The following FBXL17 variants were observed in gnomAD, a reference collection of about 807,000 sequenced individuals.
FBXL17 encodes the protein F-box and leucine rich repeat protein 17, also known as F-box/LRR-repeat protein 17.
In FBXL17, 22 loss-of-function variants were observed where a neutral mutation model predicts 66.2. The ratio of observed to expected loss-of-function variants is 0.33; its 90% CI spans 0.24 to 0.47. The LOEUF (loss-of-function observed/expected upper bound fraction) is 0.47. FBXL17 is among the 20% of genes least tolerant of loss of function. The probability of loss-of-function intolerance (pLI) is 1.00; values close to 1 mark genes in which losing one functional copy is unlikely to be tolerated. For synonymous variants in FBXL17, 474 were observed against 400.5 expected (o/e 1.18, Z -2.19); for missense variants, 878 against 948.2 (o/e 0.93, Z 0.97).
chr5:108,068,508 T>C (rs1174029468), intron 6 of FBXL17, among the ~76,000 whole-genome samples: 1 of 151,234 alleles, frequency 6.6e-6, no homozygotes, highest in African/African-American at 2.4e-5. Flanking sequence ...CAGGCTGGAG[T>C]GCAGTGGCGC....
intron 7 of FBXL17, among the ~76,000 whole-genome samples, chr5:107,993,175 G>C (rs532222260): frequency 6.6e-6 from 1 of 152,096 alleles, no homozygotes; most frequent in Admixed American, 6.5e-5. Context: ...GATTACAGGC[G>C]TGAGCCACCG....
rs973721571 is a variant in FBXL17 at position 107,889,984 on chromosome 5, T to C, written c.1823-8805A>G. On this transcript the variant is annotated intron_variant, in intron 7 of 8. Coordinates refer to ENST00000542267, the MANE Select transcript of FBXL17 (RefSeq NM_001163315.3). ...GCTGTATTTGGTGGGAACCAACCCTTTGAGTAGAATGTTAGGTTCCCCTGA... is the reference window on the plus strand; with the variant it reads ...GCTGTATTTGGTGGGAACCAACCCTCTGAGTAGAATGTTAGGTTCCCCTGA... Among the ~76,000 whole-genome samples the C allele has an allele frequency of 7.2e-5, 11 of 152,262 alleles. No homozygotes were observed. The East Asian group carries it at 2.1e-3, about 29-fold the overall frequency.
Position 108,029,253 on chromosome 5 carries a change from G to A in FBXL17, c.1746-8252C>T, listed in dbSNP as rs80133366. Reference sequence around the variant, plus strand: ...TTAAAAGGGAAGGAATGAGGAAGGAGTTGTAGATTAGGGAGCAGAAAAAGT... The same window carrying A: ...TTAAAAGGGAAGGAATGAGGAAGGAATTGTAGATTAGGGAGCAGAAAAAGT... On this transcript the variant is annotated intron_variant, in intron 6 of 8. Coordinates refer to ENST00000542267, the MANE Select transcript of FBXL17 (RefSeq NM_001163315.3). Among the ~76,000 whole-genome samples, 452 of 152,250 alleles carry A rather than the reference G, an allele frequency of 3.0e-3. 1 individual carries two copies. Among genetic ancestry groups the A allele is most frequent in the African/African-American group, 0.011 (438 of 41,562 alleles).
intron 7 of FBXL17, among the ~76,000 whole-genome samples, chr5:107,946,993 T>C (rs921217633): frequency 1.3e-5 from 2 of 152,114 alleles, no homozygotes; most frequent in African/African-American, 4.8e-5. Flanking sequence ...CAAAAGTTAA[T>C]TAAATAATTA....
At chr5:107,939,972 A>G (rs1751039367) in intron 7 of FBXL17, among the ~76,000 whole-genome samples, 1 of 152,172 alleles carries the variant, frequency 6.6e-6, no homozygotes, top group African/African-American at 2.4e-5. Flanking sequence ...TTAAGGGGTA[A>G]TAAGAATAAT....
intron 5 of FBXL17, among the ~76,000 whole-genome samples, chr5:108,211,345 T>C (rs1378924849): frequency 2.0e-5 from 3 of 152,202 alleles, no homozygotes; most frequent in African/African-American, 7.2e-5. Flanking sequence ...AATACTGTTA[T>C]GTGTGAATTC....
At chr5:107,972,571 T>A (rs550123015) in intron 7 of FBXL17, among the ~76,000 whole-genome samples, 13 of 152,298 alleles carry the variant, frequency 8.5e-5, no homozygotes, top group Admixed American at 7.2e-4. Flanking sequence ...TTTAAACTAA[T>A]TTTCTTTTGT....
chr5:108,380,855 G>T lies in FBXL17; in HGVS notation c.837C>A (p.Val279=), dbSNP rs960075021. ...ACAAGGGGGCGGTGCCCCCGGCTCG[G>T]ACAGCGTCCCCGCCAGCTTCGGTGG... The part of the protein sequence containing the change: ...GAPTEAGGDA[V]RAGGTAPLSA... Residue 279 remains valine, a synonymous_variant, in exon 1 of 9, where the codon GTC becomes GTA. Transcript: ENST00000542267. 4.0e-4 allele frequency: 499 copies of T among 1,246,172 alleles called. 1 individual carries two copies. Among genetic ancestry groups the T allele is most frequent in the Non-Finnish European group, 4.8e-4 (476 of 988,128 alleles). 77.2% of individuals were successfully genotyped at this position (1,246,172 alleles called of 1,614,324 possible).
chr5:108,348,362 C>A, intron 4 of FBXL17, 37 bp downstream of exon 4: 1 of 1,494,898 alleles, frequency 6.7e-7, no homozygotes, highest in East Asian at 2.4e-5. Context: ...AGGTTAGGAA[C>A]AAAATGAACA....
intron 4 of FBXL17, among the ~76,000 whole-genome samples, chr5:108,254,597 T>C (rs1172908950): frequency 2.0e-5 from 3 of 152,204 alleles, no homozygotes; most frequent in Non-Finnish European, 4.4e-5. Flanking sequence ...TTTCCCAAGA[T>C]GCTCATTTAA....
intron 6 of FBXL17, among the ~76,000 whole-genome samples, chr5:108,043,016 G>A (rs2112807119): frequency 6.6e-6 from 1 of 152,056 alleles, no homozygotes; most frequent in East Asian, 1.9e-4. Context: ...CTTAATTTTT[G>A]TTCATCTGTA....
chr5:108,040,885 A>G (rs1288710867), intron 6 of FBXL17, among the ~76,000 whole-genome samples: 1 of 152,196 alleles, frequency 6.6e-6, no homozygotes. Flanking sequence ...GGTTTAGATC[A>G]GGCAATAAAA....
intron 4 of FBXL17, among the ~76,000 whole-genome samples, chr5:108,271,279 A>G (rs1371869075): frequency 6.6e-6 from 1 of 152,124 alleles, no homozygotes; most frequent in Admixed American, 6.5e-5. Context: ...TTAATCCAAC[A>G]AATGTCCAAA....
intron 4 of FBXL17, among the ~76,000 whole-genome samples, chr5:108,342,504 G>A (rs1424392347): frequency 6.6e-6 from 1 of 152,134 alleles, no homozygotes; most frequent in Non-Finnish European, 1.5e-5. Context: ...ATGTCTCACA[G>A]CACTGGTCCA....
In FBXL17 at chr5:107,980,645, A is replaced by ATATATATATATAT. The variant is rs1554054251; in HGVS notation, c.1822+40279_1822+40280insATATATATATATA. 1.2e-3 allele frequency among the ~76,000 whole-genome samples: 96 copies of ATATATATATATAT among 79,116 alleles called. 4 individuals are homozygous for ATATATATATATAT. The highest frequency in any genetic ancestry group is 1.7e-3 in the Non-Finnish European group (77 of 45,506). 51.9% of individuals were successfully genotyped at this position (79,116 alleles called of 152,430 possible). A position where few individuals can be genotyped will look rare whatever the true frequency, so the allele number is the denominator to read the frequency against. ...AGCCACCATGACTGGCCAATAAAAT[A>ATATATATATATAT]ATATATATATATATATATATTTTTT... On this transcript the variant is annotated intron_variant, in intron 7 of 8. Transcript: ENST00000542267.
chr5:108,168,239 T>A (rs979658145), intron 6 of FBXL17, among the ~76,000 whole-genome samples: 13 of 152,174 alleles, frequency 8.5e-5, no homozygotes, highest in African/African-American at 3.1e-4. Context: ...CTTATATAAA[T>A]ACTTAAAGTC....
intron 6 of FBXL17, among the ~76,000 whole-genome samples, chr5:108,124,660 A>G (rs1279239065): frequency 6.6e-6 from 1 of 152,024 alleles, no homozygotes; most frequent in Non-Finnish European, 1.5e-5. Context: ...CATTGAAAAT[A>G]TTTTTACAGC....
chr5:107,916,489 A>AT (rs1750139234), intron 7 of FBXL17, among the ~76,000 whole-genome samples: 1 of 152,240 alleles, frequency 6.6e-6, no homozygotes, highest in Admixed American at 6.5e-5. Context: ...GTCTCATGAG[A>AT]TAAAAATGAA....
intron 6 of FBXL17, among the ~76,000 whole-genome samples, chr5:108,095,262 T>A (rs895229907): frequency 6.6e-5 from 10 of 151,442 alleles, no homozygotes; most frequent in South Asian, 4.2e-4. Context: ...AAAAAAAAAA[T>A]TTTACCTACA....
Sources: allele counts gnomAD v4.1 joint callset (sites outside exome capture counted in the v4.1 genomes callset), GRCh38; gene constraint gnomAD v4.1.1; transcripts MANE v1.5; gene names NCBI Gene and HGNC (gene_info 2026-07-23, HGNC 2026-07-21).